Variants in LRP5 observed in about 807,000 individuals in gnomAD.
LRP5 encodes the protein LDL receptor related protein 5.
A neutral mutation model predicts 154.1 loss-of-function variants in LRP5; 62 were observed. The observed-to-expected ratio is 0.40, with a 90% CI of 0.33 to 0.50. LRP5 has a LOEUF of 0.50. Ranked by LOEUF, LRP5 falls within the 20% of genes least tolerant of loss-of-function variation. The pLI is 0.55. For synonymous variants in LRP5, 966 were observed against 1,011.5 expected (o/e 0.96, Z 0.85); for missense variants, 1,915 against 2,336.7 (o/e 0.82, Z 3.72).
At chr11:68,409,073 A>ATATATCTATATATATATATAT (rs1200045346) in intron 9 of LRP5, among the ~76,000 whole-genome samples, 1 of 44,188 alleles carries the variant, frequency 2.3e-5, no homozygotes, top group Non-Finnish European at 3.7e-5. Context: ...AAAAAAAAAA[A>ATATATCTATATATATATATAT]ATATATATAT....
At chr11:68,362,985 T>G (rs1430635681) in intron 3 of LRP5, among the ~76,000 whole-genome samples, 2 of 152,250 alleles carry the variant, frequency 1.3e-5, no homozygotes, top group Non-Finnish European at 2.9e-5. Flanking sequence ...ATGATCCTGT[T>G]TCCAGTGTCC....
intron 2 of LRP5, among the ~76,000 whole-genome samples, chr11:68,354,958 G>A (rs796876645): frequency 8.7e-4 from 132 of 152,342 alleles, no homozygotes; most frequent in African/African-American, 2.9e-3. Flanking sequence ...GGTGATAGCA[G>A]CTGGGCGCAG....
At position 68,410,160 on chromosome 11, in the gene LRP5, G is replaced by T. The variant is rs766601191; in HGVS notation, c.2318+20G>T. The T allele has an allele frequency of 1.3e-5, 21 of 1,596,806 alleles. No individual in the cohort carries two copies. The highest frequency in any genetic ancestry group is 1.6e-5 in the Non-Finnish European group (19 of 1,166,746). ...CAAGGGGTAAGTGTTTGCCTGTCCC[G>T]TGCGTCCTTGTGTTCACCTCGTATG... On this transcript the variant is annotated intron_variant, in intron 10 of 22. Transcript: ENST00000294304.
At position 68,434,622 on chromosome 11, in the gene LRP5, C is replaced by T. The variant is rs995683523; in HGVS notation, c.4000+784C>T. ...CTCGAACTCCTGACCTCAGGTGATC[C>T]GCCCGCCTCAGCCTCCCAAAGTGCT... is the stretch of plus-strand genomic sequence containing the variant. On this transcript the variant is annotated intron_variant, in intron 18 of 22. Transcript: ENST00000294304. 3.0e-4 allele frequency among the ~76,000 whole-genome samples: 46 copies of T among 152,126 alleles called. 2 individuals are homozygous for T. Among genetic ancestry groups the T allele is most frequent in the Admixed American group, 2.2e-3 (33 of 15,278 alleles).
chr11:68,410,382 A>G (rs2098658781), intron 10 of LRP5, among the ~76,000 whole-genome samples: 1 of 152,132 alleles, frequency 6.6e-6, no homozygotes, highest in African/African-American at 2.4e-5. Context: ...GGGCCGTCTC[A>G]CCGAAGTGTC....
intron 13 of LRP5, among the ~76,000 whole-genome samples, chr11:68,417,268 G>C (rs7118595): frequency 6.6e-6 from 1 of 152,030 alleles, no homozygotes; most frequent in Non-Finnish European, 1.5e-5. Flanking sequence ...GGCCCCAGCA[G>C]TGAGCCCAGG....
intron 1 of LRP5, among the ~76,000 whole-genome samples, chr11:68,322,089 C>A (rs562223276): frequency 6.6e-6 from 1 of 152,342 alleles, no homozygotes; most frequent in East Asian, 1.9e-4. Flanking sequence ...CAAACTTTCC[C>A]CCAGAGCGAA....
intron 12 of LRP5, among the ~76,000 whole-genome samples, 169 bp from the exon 13 acceptor site, chr11:68,416,159 T>C (rs777695115): frequency 6.6e-6 from 1 of 151,646 alleles, no homozygotes; most frequent in Non-Finnish European, 1.5e-5. Flanking sequence ...GAGAATGAAA[T>C]TCCCCATAGC....
In LRP5 at chr11:68,403,623, G is replaced by A; in HGVS notation, c.1725G>A (p.Lys575=). The A allele has an allele frequency of 6.2e-7, 1 of 1,614,188 alleles. No homozygotes were observed. Among genetic ancestry groups the A allele is most frequent in the Non-Finnish European group, 8.5e-7 (1 of 1,180,046 alleles). ...GCATCGAGCGGGTGCACAAGGTCAA[G>A]GCCAGCCGGGACGTCATCATTGACC... ...RRSIERVHKV[K]ASRDVIIDQL... Residue 575 remains lysine, a synonymous_variant, in exon 8 of 23, where the codon AAG becomes AAA. Transcript: ENST00000294304.
At chr11:68,407,677 CT>C (rs1351750753) in intron 9 of LRP5, among the ~76,000 whole-genome samples, 2 of 86,058 alleles carry the variant, frequency 2.3e-5, no homozygotes, top group Admixed American at 2.6e-4. Context: ...CCCGTCTCTA[CT>C]AAAAATACAA....
intron 6 of LRP5, among the ~76,000 whole-genome samples, chr11:68,387,765 G>T (rs1294735153): frequency 6.6e-6 from 1 of 152,220 alleles, no homozygotes; most frequent in African/African-American, 2.4e-5. Flanking sequence ...GTGCCGATGG[G>T]AAGTCCCAGA....
Position 68,372,703 on chromosome 11 carries a change from A to G in LRP5, c.1015+7001A>G, listed in dbSNP as rs533862546. On this transcript the variant is annotated intron_variant, in intron 5 of 22. Coordinates refer to ENST00000294304, the MANE Select transcript of LRP5 (RefSeq NM_002335.4). Reference sequence around the variant, plus strand: ...CGTGATGGTGCAGGCTGTCTGGGTCAGTGCCGAGGGAGCGAGTCTTCCTTC... The same window carrying G: ...CGTGATGGTGCAGGCTGTCTGGGTCGGTGCCGAGGGAGCGAGTCTTCCTTC... Among the ~76,000 whole-genome samples the G allele has an allele frequency of 5.1e-4, 78 of 152,242 alleles. 1 individual carries two copies. In the East Asian group the frequency reaches 0.014, roughly 28 times the overall value.
chr11:68,437,044 C>A (rs1362878271), intron 19 of LRP5, 45 bp downstream of exon 19: 1 of 1,532,494 alleles, frequency 6.5e-7, no homozygotes, highest in Admixed American at 1.7e-5. Flanking sequence ...GGGCTGGGTT[C>A]CCCCAGGAAC....
intron 7 of LRP5, among the ~76,000 whole-genome samples, chr11:68,400,165 G>A (rs1402352581): frequency 6.6e-6 from 1 of 152,172 alleles, no homozygotes; most frequent in African/African-American, 2.4e-5. Flanking sequence ...GGGTGGAACA[G>A]CCCGTCGCCT....
At chr11:68,341,689 C>T (rs543543954) in intron 1 of LRP5, among the ~76,000 whole-genome samples, 4 of 152,278 alleles carry the variant, frequency 2.6e-5, no homozygotes, top group Non-Finnish European at 2.9e-5. Context: ...CACCCCAGGA[C>T]CTTTGCCCAG....
intron 13 of LRP5, among the ~76,000 whole-genome samples, chr11:68,420,567 G>A (rs543630082): frequency 2.6e-5 from 4 of 152,206 alleles, no homozygotes; most frequent in Non-Finnish European, 4.4e-5. Context: ...AGCTGGGTGT[G>A]GTGGCGCGCA....
At chr11:68,400,116 A>G (rs1024573964) in intron 7 of LRP5, among the ~76,000 whole-genome samples, 3 of 152,116 alleles carry the variant, frequency 2.0e-5, no homozygotes, top group African/African-American at 7.2e-5. Context: ...GCCCAGAGCC[A>G]GCGTCTTGCG....
At chr11:68,366,836 A>G (rs1200411939) in intron 5 of LRP5, among the ~76,000 whole-genome samples, 1 of 152,144 alleles carries the variant, frequency 6.6e-6, no homozygotes, top group African/African-American at 2.4e-5. Flanking sequence ...ACAGCACCCC[A>G]TTCATTCATC....
intron 5 of LRP5, among the ~76,000 whole-genome samples, chr11:68,366,687 A>G (rs1361625540): frequency 6.6e-6 from 1 of 152,008 alleles, no homozygotes; most frequent in African/African-American, 2.4e-5. Flanking sequence ...TGGCTGTTAC[A>G]TCAAAGGGTC....
Sources: allele counts gnomAD v4.1 joint callset (sites outside exome capture counted in the v4.1 genomes callset), GRCh38; gene constraint gnomAD v4.1.1; transcripts MANE v1.5; gene names NCBI Gene and HGNC (gene_info 2026-07-23, HGNC 2026-07-21).